The following KALRN variants were observed in gnomAD, a reference collection of about 807,000 sequenced individuals.
KALRN encodes kalirin RhoGEF kinase.
In KALRN, 70 loss-of-function variants were observed where a neutral mutation model predicts 353.7. The observed-to-expected ratio is 0.20, with a 90% CI of 0.16 to 0.24. The LOEUF (loss-of-function observed/expected upper bound fraction) is 0.24. KALRN is among the 10% of genes least tolerant of loss of function. The pLI is 1.00. For synonymous variants in KALRN, 1,391 were observed against 1,434.8 expected, an observed-to-expected ratio of 0.97 and a Z score of 0.69; for missense variants, 2,791 against 3,756.7, an observed-to-expected ratio of 0.74 and a Z score of 6.72.
At chr3:124,242,810 G>A (rs763316708) in intron 3 of KALRN, among the ~76,000 whole-genome samples, 48 of 152,108 alleles carry the variant, frequency 3.2e-4, no homozygotes, top group Admixed American at 6.5e-4. Context: ...GTGGTGTTGG[G>A]GTCCTTCACA....
At chr3:124,290,936 C>G (rs1330176551) in intron 5 of KALRN, among the ~76,000 whole-genome samples, 1 of 152,200 alleles carries the variant, frequency 6.6e-6, no homozygotes, top group African/African-American at 2.4e-5. Flanking sequence ...GAGGTTTATA[C>G]TGTTGTAGGT....
At chr3:124,612,584 G>T (rs1163577634) in intron 34 of KALRN, among the ~76,000 whole-genome samples, 1 of 152,138 alleles carries the variant, frequency 6.6e-6, no homozygotes, top group Non-Finnish European at 1.5e-5. Context: ...TGATCTGCCC[G>T]CCTCATCCTA....
chr3:124,495,747 AAAAAG>A (rs1241902151), intron 32 of KALRN, among the ~76,000 whole-genome samples: 1 of 147,996 alleles, frequency 6.8e-6, no homozygotes, highest in East Asian at 2.0e-4. Flanking sequence ...AAAAAAAAAA[AAAAAG>A]AAGAAGAAAT....
intron 1 of KALRN, among the ~76,000 whole-genome samples, chr3:124,068,448 C>T (rs2042564407): frequency 6.6e-6 from 1 of 152,240 alleles, no homozygotes; most frequent in South Asian, 2.1e-4. Context: ...CATCCATCTA[C>T]ATTTCAAGTT....
intron 5 of KALRN, among the ~76,000 whole-genome samples, chr3:124,289,148 C>T (rs940551553): frequency 6.6e-6 from 1 of 152,176 alleles, no homozygotes; most frequent in Non-Finnish European, 1.5e-5. Flanking sequence ...GGTTCCTCTT[C>T]CTCTCCTTCT....
intron 3 of KALRN, among the ~76,000 whole-genome samples, chr3:124,245,784 T>G (rs2081058436): frequency 6.6e-6 from 1 of 152,322 alleles, no homozygotes; most frequent in Admixed American, 6.5e-5. Flanking sequence ...GAGTATGTTT[T>G]TCATGTACCT....
chr3:124,280,949 C>T (rs2075282702), intron 5 of KALRN, among the ~76,000 whole-genome samples: 1 of 152,116 alleles, frequency 6.6e-6, no homozygotes, highest in Non-Finnish European at 1.5e-5. Context: ...AAGCCTCATA[C>T]TCTTATCTTG....
rs546291656 is a variant in KALRN, at chr3:124,349,804, A to C, written c.1770+2539A>C. On this transcript the variant is annotated intron_variant, in intron 10 of 59. Transcript: ENST00000682506. ...GCCAATGTAATAGACACAGGTCCCA[A>C]TGCACCTTATGATGGACAAGATGCA... is the stretch of plus-strand genomic sequence containing the variant. 6.6e-5 allele frequency among the ~76,000 whole-genome samples: 10 copies of C among 152,300 alleles called. 1 individual carries two copies. The highest frequency in any genetic ancestry group is 2.4e-4 in the African/African-American group (10 of 41,574).
chr3:124,377,081 A>C (rs2086692494), intron 10 of KALRN, among the ~76,000 whole-genome samples: 1 of 152,174 alleles, frequency 6.6e-6, no homozygotes, highest in Non-Finnish European at 1.5e-5. Flanking sequence ...AAAGTACTGG[A>C]AGTTATAGTT....
intron 39 of KALRN, among the ~76,000 whole-genome samples, chr3:124,656,611 AAAAAAT>A (rs1578712711): frequency 3.3e-5 from 5 of 149,948 alleles, no homozygotes; most frequent in East Asian, 4.0e-4. Flanking sequence ...ACTCCATCTC[AAAAAAT>A]AAAAATAAAA....
rs2332732 is a variant in KALRN at position 124,036,335 on chromosome 3, C to T, written c.73+2522C>T. On this transcript the variant is annotated intron_variant, in intron 1 of 59. Transcript: ENST00000682506. The stretch of plus-strand genomic sequence containing the variant: ...TGAAGTATTTGGTTTTTTGTTCCTG[C>T]GTTAGTTTGCTTAAGATAACAGCCT... 7.3e-3 allele frequency among the ~76,000 whole-genome samples: 1,105 copies of T among 152,066 alleles called. 10 individuals are homozygous for T. Among genetic ancestry groups the T allele is most frequent in the African/African-American group, 0.024 (981 of 41,474 alleles).
At chr3:124,160,054 C>G (rs2069672853) in intron 1 of KALRN, among the ~76,000 whole-genome samples, 1 of 151,258 alleles carries the variant, frequency 6.6e-6, no homozygotes, top group Admixed American at 6.6e-5. Context: ...AATAAATGTC[C>G]CTTGAAAGTT....
rs559612435 is a variant in KALRN at position 124,430,671 on chromosome 3, C to T, written c.2725C>T (p.Arg909Cys). 46 of 1,614,090 alleles carry T rather than the reference C, an allele frequency of 2.8e-5. No individual in the cohort carries two copies. The highest frequency in any genetic ancestry group is 5.5e-5 in the South Asian group (5 of 91,078). The change falls in exon 16 of 60, where the codon CGC (arginine) becomes TGC (cysteine). Residue 909 changes from arginine to cysteine, a missense_variant. By Grantham distance (180) the Arg-to-Cys change is radical (BLOSUM62 -3). Around this residue, in one of 11 missense-constraint regions of KALRN, gnomAD observed 452 missense variants for 575.8 expected, o/e 0.78. Coordinates refer to ENST00000682506, the MANE Select transcript of KALRN (RefSeq NM_001388419.1). ...AEVKQVLGWI[R>C]NGESMLNASL... is the part of the protein sequence containing the mutation. ...GATTCCCTAGGTTCTGGGATGGATCCGCAATGGAGAGTCAATGCTCAACGC... is the reference window on the plus strand; with the variant it reads ...GATTCCCTAGGTTCTGGGATGGATCTGCAATGGAGAGTCAATGCTCAACGC...
At chr3:124,057,083 G>A (rs930773602) in intron 1 of KALRN, among the ~76,000 whole-genome samples, 1 of 152,210 alleles carries the variant, frequency 6.6e-6, no homozygotes, top group South Asian at 2.1e-4. Context: ...CTTAGAGGGA[G>A]TTTTAACTGC....
At chr3:124,373,788 GCAA>G (rs1441106369) in intron 10 of KALRN, among the ~76,000 whole-genome samples, 9 of 152,158 alleles carry the variant, frequency 5.9e-5, no homozygotes, top group Non-Finnish European at 1.2e-4. Context: ...AATTATATCT[GCAA>G]CAACGTTATT....
At chr3:124,402,587 A>G (rs1260890642) in intron 13 of KALRN, among the ~76,000 whole-genome samples, 2 of 152,220 alleles carry the variant, frequency 1.3e-5, no homozygotes, top group African/African-American at 4.8e-5. Context: ...GAAATGAAAA[A>G]TATTTTTAGA....
intron 57 of KALRN, among the ~76,000 whole-genome samples, chr3:124,708,440 G>A (rs2062741000): frequency 6.6e-6 from 1 of 152,014 alleles, no homozygotes; most frequent in African/African-American, 2.4e-5. Context: ...AAATAGAAAT[G>A]ATTTTTAAAT....
chr3:124,518,441 T>C (rs2066872304), intron 33 of KALRN: 4 of 1,613,982 alleles, frequency 2.5e-6, no homozygotes, highest in Non-Finnish European at 3.4e-6. Context: ...GACCTGGAGA[T>C]CCTTTCTCCA....
At chr3:124,183,266 T>C (rs2073842518) in intron 1 of KALRN, among the ~76,000 whole-genome samples, 1 of 152,186 alleles carries the variant, frequency 6.6e-6, no homozygotes, top group Non-Finnish European at 1.5e-5. Context: ...GGAGGTTTAA[T>C]TGGCTCATGG....
Sources: gnomAD v4.1 joint callset for allele counts (sites outside exome capture counted in the v4.1 genomes callset) on GRCh38, gnomAD v4.1.1 for gene constraint, gnomAD v4.1.1 regional missense constraint, MANE v1.5 for transcripts, NCBI Gene and HGNC (gene_info 2026-07-23, HGNC 2026-07-21) for gene names.